The following KCMF1 variants were observed in gnomAD, a reference collection of about 807,000 sequenced individuals.
The protein encoded by KCMF1 is E3 ubiquitin-protein ligase KCMF1.
A neutral mutation model predicts 41.1 loss-of-function variants in KCMF1; 3 were observed. The observed-to-expected ratio is 0.07, with a 90% CI of 0.03 to 0.19. KCMF1 has a LOEUF of 0.19. KCMF1 is among the 10% of genes least tolerant of loss of function. KCMF1 has a pLI of 1.00. For missense variants in KCMF1, 286 were observed against 488.9 expected, an observed-to-expected ratio of 0.58 and a Z score of 3.91; for synonymous variants, 142 against 164.5, an observed-to-expected ratio of 0.86 and a Z score of 1.04.
chr2:85,055,012 T>TC lies in KCMF1; in HGVS notation c.*1605dup, dbSNP rs1173927910. The TC allele has an allele frequency of 6.6e-6, 1 of 152,230 alleles. No homozygotes were observed. The highest frequency in any genetic ancestry group is 1.5e-5 in the Non-Finnish European group (1 of 68,044). 9.4% of individuals were successfully genotyped at this position (152,230 alleles called of 1,614,324 possible). ...TTGCTTCTCCTCTGAAACTTCAAAC[T>TC]CCAACGATTTCCAAATACAATAGCT... On this transcript the variant is annotated 3_prime_UTR_variant, in exon 7 of 7. Transcript: ENST00000409785.
At chr2:85,008,405 C>G (rs1453769458) in intron 1 of KCMF1, among the ~76,000 whole-genome samples, 9 of 87,060 alleles carry the variant, frequency 1.0e-4, no homozygotes, top group Middle Eastern at 6.7e-3. Flanking sequence ...TATTATATAT[C>G]ATATTATATA....
chr2:85,002,150 A>G (rs1394465812), intron 1 of KCMF1, among the ~76,000 whole-genome samples: 1 of 152,204 alleles, frequency 6.6e-6, no homozygotes, highest in Non-Finnish European at 1.5e-5. Flanking sequence ...TTACTTTCCT[A>G]GTAGTGATGG....
chr2:85,023,485 AT>A (rs745747893), intron 1 of KCMF1, among the ~76,000 whole-genome samples: 1 of 147,990 alleles, frequency 6.8e-6, no homozygotes, highest in South Asian at 2.2e-4. Context: ...CGCCTGGCTA[AT>A]TTTTTTTTGT....
intron 4 of KCMF1, among the ~76,000 whole-genome samples, chr2:85,045,473 G>A (rs142482579): frequency 9.9e-5 from 15 of 152,192 alleles, no homozygotes; most frequent in African/African-American, 3.4e-4. Context: ...TATAAAGCTG[G>A]TCTGTTTGGT....
intron 1 of KCMF1, among the ~76,000 whole-genome samples, chr2:85,006,054 TC>T (rs1451662152): frequency 6.6e-6 from 1 of 152,162 alleles, no homozygotes; most frequent in Non-Finnish European, 1.5e-5. Flanking sequence ...TTCCTATTTT[TC>T]TATTTTTTTT....
chr2:85,056,841 C>A lies in KCMF1; in HGVS notation c.*3432C>A, dbSNP rs1675943571. On this transcript the variant is annotated 3_prime_UTR_variant, in exon 7 of 7. Coordinates refer to ENST00000409785, the MANE Select transcript of KCMF1 (RefSeq NM_020122.5). ...ACATGCCTGTTTCTTAGTTTGCATG[C>A]ACAGTTTAAGGGGCACATGCAATAT... 6.6e-6 allele frequency: 1 copy of A among 152,148 alleles called. No individual in the cohort carries two copies. Among genetic ancestry groups the A allele is most frequent in the Non-Finnish European group, 1.5e-5 (1 of 68,034 alleles). 9.4% of individuals were successfully genotyped at this position (152,148 alleles called of 1,614,324 possible).
chr2:85,043,809 TGAG>T (rs1421942849), intron 4 of KCMF1, 144 bp downstream of exon 4: 20 of 663,708 alleles, frequency 3.0e-5, no homozygotes, highest in Non-Finnish European at 5.2e-5. Flanking sequence ...TTCAGCCTCT[TGAG>T]TAGCTGGGAC....
intron 4 of KCMF1, among the ~76,000 whole-genome samples, chr2:85,044,843 TC>T (rs779976756): frequency 6.6e-6 from 1 of 152,212 alleles, no homozygotes; most frequent in African/African-American, 2.4e-5. Flanking sequence ...TGCATTCCCT[TC>T]CTTGTCTCTC....
At chr2:85,020,130 A>G (rs914513612) in intron 1 of KCMF1, among the ~76,000 whole-genome samples, 16 of 152,136 alleles carry the variant, frequency 1.1e-4, no homozygotes, top group African/African-American at 3.6e-4. Flanking sequence ...CTGAAAGATA[A>G]GAGTGTCAGT....
At chr2:85,036,540 A>G (rs1481275631) in intron 3 of KCMF1, among the ~76,000 whole-genome samples, 1 of 152,158 alleles carries the variant, frequency 6.6e-6, no homozygotes, top group Non-Finnish European at 1.5e-5. Context: ...TCATGACTGT[A>G]ATCCCAACAC....
At chr2:85,020,423 C>T (rs1674902604) in intron 1 of KCMF1, among the ~76,000 whole-genome samples, 1 of 152,076 alleles carries the variant, frequency 6.6e-6, no homozygotes, top group South Asian at 2.1e-4. Flanking sequence ...TGCATGGAAG[C>T]TATTTTGTTT....
intron 4 of KCMF1, among the ~76,000 whole-genome samples, chr2:85,044,330 A>G (rs990834007): frequency 6.6e-6 from 1 of 151,680 alleles, no homozygotes; most frequent in Admixed American, 6.6e-5. Flanking sequence ...GTAGGATAGC[A>G]TAAGGTCAGC....
chr2:84,973,871 A>C (rs1369530003), intron 1 of KCMF1, among the ~76,000 whole-genome samples: 1 of 130,840 alleles, frequency 7.6e-6, no homozygotes, highest in African/African-American at 3.0e-5. Context: ...CTCTGTCACC[A>C]GGTTGGAGTG....
chr2:85,051,760 G>A (rs1252987198), intron 6 of KCMF1, among the ~76,000 whole-genome samples: 3 of 152,126 alleles, frequency 2.0e-5, no homozygotes, highest in African/African-American at 7.2e-5. Flanking sequence ...AATTAATAAG[G>A]TTGCAGAAAG....
At chr2:85,023,191 C>CTGTA (rs1674991916) in intron 1 of KCMF1, among the ~76,000 whole-genome samples, 1 of 149,852 alleles carries the variant, frequency 6.7e-6, no homozygotes, top group Non-Finnish European at 1.5e-5. Context: ...CCGGCCAATA[C>CTGTA]TGTATGTATT....
intron 3 of KCMF1, among the ~76,000 whole-genome samples, chr2:85,036,239 G>T (rs1425599827): frequency 1.3e-5 from 2 of 152,148 alleles, no homozygotes; most frequent in African/African-American, 4.8e-5. Flanking sequence ...GCTCAGAAAT[G>T]CTCTGATCTT....
At chr2:84,979,707 A>G (rs1673655029) in intron 1 of KCMF1, among the ~76,000 whole-genome samples, 1 of 152,106 alleles carries the variant, frequency 6.6e-6, no homozygotes, top group Non-Finnish European at 1.5e-5. Context: ...GCTAAGGACC[A>G]TGATGTTTTT....
chr2:85,019,736 G>A (rs1029487514), intron 1 of KCMF1, among the ~76,000 whole-genome samples: 2 of 150,424 alleles, frequency 1.3e-5, no homozygotes, highest in Non-Finnish European at 1.5e-5. Flanking sequence ...ATGTGTGTGT[G>A]TATATATATG....
Position 84,971,411 on chromosome 2 carries a change from C to A in KCMF1, c.-41C>A. 1 of 1,197,508 alleles carries A rather than the reference C, an allele frequency of 8.4e-7. No individual in the cohort carries two copies. The highest frequency in any genetic ancestry group is 4.8e-5 in the East Asian group (1 of 20,912). The allele number at this position is 1,197,508 out of a possible 1,614,324, so 74.2% of individuals were successfully genotyped here. A position where few individuals can be genotyped will look rare whatever the true frequency, so the allele number is the denominator to read the frequency against. On this transcript the variant is annotated 5_prime_UTR_variant, in exon 1 of 7. Transcript: ENST00000409785. ...GGGACCCCGCGGGGGACACTGCAGCCGGAGCCCGGGAGGGGCCGCGCCGCC... is the reference window on the plus strand; with the variant it reads ...GGGACCCCGCGGGGGACACTGCAGCAGGAGCCCGGGAGGGGCCGCGCCGCC...
Sources: gnomAD v4.1 joint callset for allele counts (sites outside exome capture counted in the v4.1 genomes callset) on GRCh38, gnomAD v4.1.1 for gene constraint, MANE v1.5 for transcripts, NCBI Gene and HGNC (gene_info 2026-07-23, HGNC 2026-07-21) for gene names.